The following SMG1 variants were observed in gnomAD, a reference collection of about 807,000 sequenced individuals.
SMG1 encodes the protein SMG1 nonsense mediated mRNA decay associated PI3K related kinase, also known as serine/threonine-protein kinase SMG1.
A neutral mutation model predicts 419.9 loss-of-function variants in SMG1; 22 were observed. The ratio of observed to expected loss-of-function variants is 0.05; its 90% CI spans 0.04 to 0.07. SMG1 has a LOEUF of 0.07. Ranked by LOEUF, SMG1 falls within the 10% of genes least tolerant of loss-of-function variation. SMG1 has a pLI of 1.00. For synonymous variants in SMG1, 1,538 were observed against 1,553.5 expected, an observed-to-expected ratio of 0.99 and a Z score of 0.23; for missense variants, 3,185 against 4,342.0, an observed-to-expected ratio of 0.73 and a Z score of 7.49.
intron 54 of SMG1, among the ~76,000 whole-genome samples, chr16:18,829,053 TG>T (rs2032972095): frequency 6.7e-6 from 1 of 150,130 alleles, no homozygotes; most frequent in Non-Finnish European, 1.5e-5. Flanking sequence ...ACAGCCTTGA[TG>T]GAAAGAAATT....
chr16:18,921,408 CATTTTT>C (rs1011601492), intron 1 of SMG1, among the ~76,000 whole-genome samples: 3 of 152,070 alleles, frequency 2.0e-5, no homozygotes, highest in African/African-American at 7.2e-5. Context: ...TTTTATTTTT[CATTTTT>C]ATTTTTTAGT....
At chr16:18,858,931 T>C (rs1264354464) in intron 28 of SMG1, 91 bp downstream of exon 28, 1 of 895,816 alleles carries the variant, frequency 1.1e-6, no homozygotes, top group Non-Finnish European at 1.6e-6. Context: ...CAGCTACAAA[T>C]CCTATTTCAA....
chr16:18,859,591 C>A lies in SMG1; in HGVS notation c.3918G>T (p.Pro1306=). ...SSVCLATALN[P]IEQDQKWQSI... ...ACTGCCACTTCTGATCTTGTTCTATCGGGTTTAAAGCAGTTGCCAAACAAA... is the reference window on the plus strand; with the variant it reads ...ACTGCCACTTCTGATCTTGTTCTATAGGGTTTAAAGCAGTTGCCAAACAAA... The change falls in exon 27 of 63, where the codon CCG becomes CCT. Residue 1306 remains proline (P), a synonymous_variant. Coordinates refer to ENST00000446231, the MANE Select transcript of SMG1 (RefSeq NM_015092.5). The A allele has an allele frequency of 6.3e-7, 1 of 1,593,798 alleles. No individual in the cohort carries two copies. Among genetic ancestry groups the A allele is most frequent in the East Asian group, 2.2e-5 (1 of 44,740 alleles).
At chr16:18,860,450 A>T (rs1456142080) in intron 26 of SMG1, among the ~76,000 whole-genome samples, 1 of 152,108 alleles carries the variant, frequency 6.6e-6, no homozygotes, top group Non-Finnish European at 1.5e-5. Context: ...ATCTCAAAGT[A>T]TTAAGGTGGT....
chr16:18,900,570 G>A (rs1321242794), intron 1 of SMG1, among the ~76,000 whole-genome samples: 1 of 152,170 alleles, frequency 6.6e-6, no homozygotes, highest in Non-Finnish European at 1.5e-5. Context: ...ACCCCAAAAT[G>A]ACTTGATGCA....
At chr16:18,829,259 A>T (rs775875293) in intron 54 of SMG1, 27 bp downstream of exon 54, 14 of 1,566,220 alleles carry the variant, frequency 8.9e-6, no homozygotes, top group Non-Finnish European at 1.2e-5. Context: ...CCTTGAGGAA[A>T]AACACATTAT....
intron 31 of SMG1, 27 bp downstream of exon 31, chr16:18,853,556 A>G (rs1278624832): frequency 6.7e-7 from 1 of 1,494,120 alleles, no homozygotes; most frequent in Non-Finnish European, 8.9e-7. Context: ...TAAAATTAAT[A>G]TTCTAAAGCT....
At chr16:18,810,917 T>C (rs558666912) in intron 62 of SMG1, among the ~76,000 whole-genome samples, 1 of 152,258 alleles carries the variant, frequency 6.6e-6, no homozygotes, top group South Asian at 2.1e-4. Context: ...CAATGAAACA[T>C]GGGAAATTGT....
intron 55 of SMG1, among the ~76,000 whole-genome samples, chr16:18,820,717 C>CA (rs1279837959): frequency 2.0e-5 from 3 of 152,096 alleles, no homozygotes. Context: ...TTTCTCTGAC[C>CA]AATACACTGT....
At chr16:18,855,178 C>T (rs550138287) in intron 29 of SMG1, among the ~76,000 whole-genome samples, 24 of 152,328 alleles carry the variant, frequency 1.6e-4, no homozygotes, top group Admixed American at 9.2e-4. Context: ...CCTGGGCCAA[C>T]GGGTAGGGAA....
intron 28 of SMG1, chr16:18,858,786 C>G (rs1398051690): frequency 2.5e-6 from 1 of 399,630 alleles, no homozygotes; most frequent in East Asian, 4.7e-5. Context: ...CCTCCCACCC[C>G]GAAATTAGAA....
At chr16:18,833,206 G>C (rs1483864274) in intron 50 of SMG1, 40 bp from the exon 51 acceptor site, 2 of 1,514,376 alleles carry the variant, frequency 1.3e-6, no homozygotes, top group Non-Finnish European at 9.0e-7. Context: ...TGTTTTTTGA[G>C]TTTAGCTAAG....
At chr16:18,922,689 A>T (rs563272659) in intron 1 of SMG1, among the ~76,000 whole-genome samples, 16 of 152,234 alleles carry the variant, frequency 1.1e-4, no homozygotes, top group African/African-American at 3.1e-4. Flanking sequence ...TCAGTTGGCC[A>T]GGCTGGTCTC....
Position 18,919,699 on chromosome 16 carries a change from CA to C in SMG1, c.92+6250del, listed in dbSNP as rs1217071102. Among the ~76,000 whole-genome samples, 5 of 135,526 alleles carry C rather than the reference CA, an allele frequency of 3.7e-5. No homozygotes were observed. The East Asian group carries it at 8.9e-4, about 24-fold the overall frequency. 88.9% of individuals were successfully genotyped at this position (135,526 alleles called of 152,430 possible). On this transcript the variant is annotated intron_variant, in intron 1 of 62. Transcript: ENST00000446231. ...ACACACACACACACACACACACACA[CA>C]ATCTCCCTAGAAGCATCAATATTTA...
chr16:18,870,592 C>T lies in SMG1; in HGVS notation c.2492+18G>A, dbSNP rs764739620. 194 of 1,491,952 alleles carry T rather than the reference C, an allele frequency of 1.3e-4. No individual in the cohort carries two copies. The highest frequency in any genetic ancestry group is 1.7e-4 in the Non-Finnish European group (179 of 1,081,670). 92.4% of individuals were successfully genotyped at this position (1,491,952 alleles called of 1,614,324 possible). A position where few individuals can be genotyped will look rare whatever the true frequency, so the allele number is the denominator to read the frequency against. The stretch of plus-strand genomic sequence containing the variant: ...GTAAATATCACAGAATGTCTTTGCT[C>T]CAAAACAACTGTTATACCTTAGGAC... On this transcript the variant is annotated intron_variant, in intron 18 of 62. Transcript: ENST00000446231.
intron 51 of SMG1, among the ~76,000 whole-genome samples, chr16:18,832,613 CAAAT>C (rs1460034287): frequency 4.8e-5 from 7 of 145,048 alleles, no homozygotes; most frequent in Admixed American, 2.1e-4. Context: ...CACACACACA[CAAAT>C]AAGTGCATGT....
intron 48 of SMG1, 65 bp downstream of exon 48, chr16:18,835,868 C>T (rs2033530880): frequency 2.0e-6 from 3 of 1,470,748 alleles, no homozygotes; most frequent in Non-Finnish European, 2.8e-6. Flanking sequence ...CACCACACTC[C>T]AGCCTGGGTG....
rs1410410909 is a variant in SMG1 at position 18,899,966 on chromosome 16, GTAAGTTTC to G, written c.93-3018_93-3011del. 2.1e-6 allele frequency: 3 copies of G among 1,421,194 alleles called. No homozygotes were observed. In the East Asian group the frequency reaches 7.4e-5, roughly 35 times the overall value. The allele number at this position is 1,421,194 out of a possible 1,614,324, so 88.0% of individuals were successfully genotyped here. On this transcript the variant is annotated intron_variant, in intron 1 of 62. Transcript: ENST00000446231. ...GCCTGATGTACATGCCACATGAGAG[GTAAGTTTC>G]TAAAGCTCATACCTCAAAAATCGCA...
chr16:18,894,474 A>C (rs559852924), intron 3 of SMG1, among the ~76,000 whole-genome samples: 49 of 152,180 alleles, frequency 3.2e-4, no homozygotes, highest in Non-Finnish European at 6.6e-4. Flanking sequence ...TTGTTTACTG[A>C]ACTACTTTAG....
Sources: gnomAD v4.1 joint callset for allele counts (sites outside exome capture counted in the v4.1 genomes callset) on GRCh38, gnomAD v4.1.1 for gene constraint, MANE v1.5 for transcripts, NCBI Gene and HGNC (gene_info 2026-07-23, HGNC 2026-07-21) for gene names.